RFTN1: variants seen among roughly 807,000 people sequenced by gnomAD.
The protein encoded by RFTN1 is raftlin.
In RFTN1, 26 loss-of-function variants were observed where a neutral mutation model predicts 46.5. The observed-to-expected ratio is 0.56, with a 90% CI of 0.41 to 0.78. The LOEUF (loss-of-function observed/expected upper bound fraction) is 0.78. RFTN1 is among the 30% of genes least tolerant of loss of function. The pLI, the probability that RFTN1 is intolerant of heterozygous loss-of-function variation, is 0.00. For missense variants in RFTN1, 693 were observed against 718.7 expected, an observed-to-expected ratio of 0.96 and a Z score of 0.41; for synonymous variants, 261 against 284.2, an observed-to-expected ratio of 0.92 and a Z score of 0.82.
At position 16,380,369 on chromosome 3, in the gene RFTN1, C is replaced by T. The variant is rs530889540; in HGVS notation, c.442-2267G>A. On this transcript the variant is annotated intron_variant, in intron 4 of 9. Transcript: ENST00000334133. This position sits in a 1 kb window ranked among gnomAD's most constrained non-coding sequence, Gnocchi z 4.8. ...TCTCCTTATCAGTCCTGGGCTTCTG[C>T]GGCCCTGCAGAGACTGCTGTCATCT... Among the ~76,000 whole-genome samples the T allele has an allele frequency of 7.2e-5, 11 of 152,312 alleles. No homozygotes were observed. Among genetic ancestry groups the T allele is most frequent in the East Asian group, 1.9e-4 (1 of 5,192 alleles).
chr3:16,386,773 G>A (rs937532826), intron 4 of RFTN1, among the ~76,000 whole-genome samples: 49 of 150,882 alleles, frequency 3.2e-4, no homozygotes, highest in African/African-American at 1.1e-3. Context: ...TGGTAACAGA[G>A]CGAGGAGACA....
At chr3:16,445,132 T>A (rs1341899866) in intron 2 of RFTN1, among the ~76,000 whole-genome samples, 1 of 152,192 alleles carries the variant, frequency 6.6e-6, no homozygotes, top group Non-Finnish European at 1.5e-5. Context: ...ACTATGCAGA[T>A]GTAAACAGTT....
chr3:16,490,855 C>G (rs2076529692), intron 2 of RFTN1, among the ~76,000 whole-genome samples: 1 of 152,132 alleles, frequency 6.6e-6, no homozygotes, highest in African/African-American at 2.4e-5. Context: ...AGGTGCACAC[C>G]TCACTGTACA....
At chr3:16,343,889 T>TA (rs1197451658) in intron 7 of RFTN1, among the ~76,000 whole-genome samples, 1 of 152,154 alleles carries the variant, frequency 6.6e-6, no homozygotes, top group African/African-American at 2.4e-5. Context: ...AGCCAGCTGA[T>TA]AGTCTTATAG....
rs1460400889 is a variant in RFTN1, at chr3:16,338,136, C to A, written c.1147-11260G>T. On this transcript the variant is annotated intron_variant, in intron 7 of 9. Transcript: ENST00000334133. The surrounding 1 kb of genome is among the most constrained non-coding windows in gnomAD (Gnocchi z 5.3). ...CACGCTGGGTGATCTGGTCCTGGTA[C>A]ATGCGGTTTCTCTAACGTCAGTTAC... Among the ~76,000 whole-genome samples, 1 of 152,252 alleles carries A rather than the reference C, an allele frequency of 6.6e-6. No individual in the cohort carries two copies. Among genetic ancestry groups the A allele is most frequent in the Non-Finnish European group, 1.5e-5 (1 of 68,042 alleles).
chr3:16,494,753 T>A (rs2076597970), intron 1 of RFTN1, among the ~76,000 whole-genome samples: 1 of 152,220 alleles, frequency 6.6e-6, no homozygotes, highest in Non-Finnish European at 1.5e-5. Context: ...TCATCCACTC[T>A]CCCAACTTCA....
intron 5 of RFTN1, among the ~76,000 whole-genome samples, chr3:16,372,571 G>A (rs977505380): frequency 6.6e-5 from 10 of 152,206 alleles, no homozygotes; most frequent in Admixed American, 2.6e-4. Flanking sequence ...GGGAGAAGTA[G>A]GTGGGGAATT....
chr3:16,416,429 A>G (rs1458204240), intron 3 of RFTN1, among the ~76,000 whole-genome samples: 1 of 152,252 alleles, frequency 6.6e-6, no homozygotes, highest in African/African-American at 2.4e-5. Context: ...GAAAAAGGAC[A>G]TTAATAGAAA....
In RFTN1 at chr3:16,501,132, T is replaced by A. The variant is rs145147405; in HGVS notation, c.-8-7255A>T. The stretch of plus-strand genomic sequence containing the variant: ...AGGCTGAGTGACAGAGCAAGACTTG[T>A]CTGTAACAAAACACACACACGCACA... On this transcript the variant is annotated intron_variant, in intron 1 of 9. Transcript: ENST00000334133. Among the ~76,000 whole-genome samples, 453 of 152,204 alleles carry A rather than the reference T, an allele frequency of 3.0e-3. 6 individuals are homozygous for A. The highest frequency in any genetic ancestry group is 9.9e-3 in the African/African-American group (411 of 41,532).
rs1459490867 is a variant in RFTN1, at chr3:16,385,167, G to A, written c.442-7065C>T. 2.0e-5 allele frequency among the ~76,000 whole-genome samples: 3 copies of A among 152,154 alleles called. No individual in the cohort carries two copies. The highest frequency in any genetic ancestry group is 2.9e-5 in the Non-Finnish European group (2 of 68,032). ...AACAGGTACAAAAATGCCATTCTGG[G>A]TTGCAGTTACACATGAGTCTTTACA... On this transcript the variant is annotated intron_variant, in intron 4 of 9. Transcript: ENST00000334133. This position sits in a 1 kb window ranked among gnomAD's most constrained non-coding sequence, Gnocchi z 5.0.
chr3:16,463,645 T>C (rs1487789699), intron 2 of RFTN1, among the ~76,000 whole-genome samples: 2 of 152,254 alleles, frequency 1.3e-5, no homozygotes, highest in African/African-American at 4.8e-5. Context: ...TTGCTAAATA[T>C]AATTCTATTC....
rs1296216336 is a variant in RFTN1 at position 16,426,659 on chromosome 3, TCGTG to T, written c.332+7188_332+7191del. On this transcript the variant is annotated intron_variant, in intron 3 of 9. Coordinates refer to ENST00000334133, the MANE Select transcript of RFTN1 (RefSeq NM_015150.2). The surrounding 1 kb of genome is among the most constrained non-coding windows in gnomAD (Gnocchi z 5.9). ...CACTGTTATTTTGGCAATGAAAGGA[TCGTG>T]TGTGTGTGTGTGTGTGTGTGTGTGT... is the stretch of plus-strand genomic sequence containing the variant. 1.1e-4 allele frequency among the ~76,000 whole-genome samples: 7 copies of T among 63,660 alleles called. No homozygotes were observed. The highest frequency in any genetic ancestry group is 1.1e-3 in the East Asian group (3 of 2,766). 41.8% of individuals were successfully genotyped at this position (63,660 alleles called of 152,430 possible). A position where few individuals can be genotyped will look rare whatever the true frequency, so the allele number is the denominator to read the frequency against.
At chr3:16,467,139 C>G (rs758783528) in intron 2 of RFTN1, among the ~76,000 whole-genome samples, 3 of 152,200 alleles carry the variant, frequency 2.0e-5, no homozygotes, top group Non-Finnish European at 2.9e-5. Context: ...TCGTAGTCCA[C>G]TCCTGAGCTA....
intron 6 of RFTN1, among the ~76,000 whole-genome samples, chr3:16,368,759 T>G (rs184986155): frequency 6.6e-6 from 1 of 151,218 alleles, no homozygotes; most frequent in Non-Finnish European, 1.5e-5. Context: ...TAGCCACATA[T>G]AGTTATTTAA....
chr3:16,405,036 G>A (rs889937910), intron 4 of RFTN1, among the ~76,000 whole-genome samples: 1 of 152,162 alleles, frequency 6.6e-6, no homozygotes, highest in Non-Finnish European at 1.5e-5. Context: ...TCTCCAAACT[G>A]TAGACCTTTC....
At chr3:16,461,979 C>T (rs1420658053) in intron 2 of RFTN1, among the ~76,000 whole-genome samples, 1 of 152,206 alleles carries the variant, frequency 6.6e-6, no homozygotes, top group Non-Finnish European at 1.5e-5. Flanking sequence ...AATTTTAGAG[C>T]TAGGAAGTAC....
At position 16,483,076 on chromosome 3, in the gene RFTN1, CTG is replaced by C. The variant is rs145201272; in HGVS notation, c.145+10647_145+10648del. Among the ~76,000 whole-genome samples the C allele has an allele frequency of 6.6e-6, 1 of 152,310 alleles. No homozygotes were observed. The highest frequency in any genetic ancestry group is 1.9e-4 in the East Asian group (1 of 5,178). ...GAAAAAATGCCATCAACGTCAGTGA[CTG>C]TATGCTCAGTTCTGCTGAAGAGCTG... On this transcript the variant is annotated intron_variant, in intron 2 of 9. Transcript: ENST00000334133. This position sits in a 1 kb window ranked among gnomAD's most constrained non-coding sequence, Gnocchi z 4.8.
In RFTN1 at chr3:16,387,779, C is replaced by T. The variant is rs913859183; in HGVS notation, c.442-9677G>A. Among the ~76,000 whole-genome samples, 4 of 152,140 alleles carry T rather than the reference C, an allele frequency of 2.6e-5. No individual in the cohort carries two copies. Among genetic ancestry groups the T allele is most frequent in the South Asian group, 2.1e-4 (1 of 4,830 alleles). ...TCTAGCTTCTGTACTGCCTCCTCAC[C>T]GGCAGCTCCCCACAGCCCTCCTGTC... On this transcript the variant is annotated intron_variant, in intron 4 of 9. Transcript: ENST00000334133. This position sits in a 1 kb window ranked among gnomAD's most constrained non-coding sequence, Gnocchi z 5.2.
In RFTN1 at chr3:16,428,274, A is replaced by T. The variant is rs1424312960; in HGVS notation, c.332+5577T>A. ...TTCCCACAAATGCTTCCCTAGGTGCAAAAATTTCACCATCCTAGGTGTGAT... is the reference window on the plus strand; with the variant it reads ...TTCCCACAAATGCTTCCCTAGGTGCTAAAATTTCACCATCCTAGGTGTGAT... On this transcript the variant is annotated intron_variant, in intron 3 of 9. Coordinates refer to ENST00000334133, the MANE Select transcript of RFTN1 (RefSeq NM_015150.2). The surrounding 1 kb of genome is among the most constrained non-coding windows in gnomAD (Gnocchi z 4.7). Among the ~76,000 whole-genome samples, 2 of 152,220 alleles carry T rather than the reference A, an allele frequency of 1.3e-5. No homozygotes were observed. The highest frequency in any genetic ancestry group is 2.1e-4 in the South Asian group (1 of 4,834).
Sources: gnomAD v4.1 joint callset for allele counts (sites outside exome capture counted in the v4.1 genomes callset) on GRCh38, gnomAD v4.1.1 for gene constraint, Gnocchi (gnomAD v3.1) non-coding constraint, MANE v1.5 for transcripts, NCBI Gene and HGNC (gene_info 2026-07-23, HGNC 2026-07-21) for gene names.